Variants in DPYSL3 observed in about 807,000 individuals in gnomAD.
DPYSL3 encodes the protein dihydropyrimidinase-related protein 3.
In DPYSL3, 16 loss-of-function variants were observed where a neutral mutation model predicts 66.1. The ratio of observed to expected loss-of-function variants is 0.24; its 90% CI spans 0.16 to 0.37. The LOEUF is 0.37. Ranked by LOEUF, DPYSL3 falls within the 10% of genes least tolerant of loss-of-function variation. The pLI is 1.00. For synonymous variants in DPYSL3, 338 were observed against 345.1 expected, an observed-to-expected ratio of 0.98 and a Z score of 0.23; for missense variants, 738 against 916.2, an observed-to-expected ratio of 0.81 and a Z score of 2.51.
At chr5:147,463,080 G>C (rs1429554128) in intron 1 of DPYSL3, among the ~76,000 whole-genome samples, 1 of 152,154 alleles carries the variant, frequency 6.6e-6, no homozygotes, top group Non-Finnish European at 1.5e-5. Context: ...CATGAGAAAT[G>C]CTGAAGGGCA....
chr5:147,435,415 G>A (rs1752398163), intron 1 of DPYSL3, among the ~76,000 whole-genome samples: 1 of 152,156 alleles, frequency 6.6e-6, no homozygotes, highest in South Asian at 2.1e-4. Context: ...GGAAGCTTAG[G>A]GAGGTTAGCT....
chr5:147,410,540 GAC>G (rs1189674619), intron 6 of DPYSL3, among the ~76,000 whole-genome samples: 1 of 152,138 alleles, frequency 6.6e-6, no homozygotes, highest in Non-Finnish European at 1.5e-5. Context: ...TTTGGGTCAT[GAC>G]ACAACTGTAG....
At chr5:147,469,606 A>T (rs1172039926) in intron 1 of DPYSL3, among the ~76,000 whole-genome samples, 1 of 152,208 alleles carries the variant, frequency 6.6e-6, no homozygotes, top group Admixed American at 6.5e-5. Context: ...TATTGAGTGA[A>T]CCCAATCAAA....
intron 1 of DPYSL3, among the ~76,000 whole-genome samples, chr5:147,468,812 T>C (rs1753044843): frequency 6.6e-6 from 1 of 152,206 alleles, no homozygotes; most frequent in African/African-American, 2.4e-5. Context: ...GCCATGTTGG[T>C]GTGCTGCACC....
rs1463060122 is a variant in DPYSL3, at chr5:147,393,719, A to T, written c.*316T>A. The T allele has an allele frequency of 4.0e-6, 1 of 249,318 alleles. No homozygotes were observed. Among genetic ancestry groups the T allele is most frequent in the Non-Finnish European group, 7.9e-6 (1 of 126,854 alleles). 15.4% of individuals were successfully genotyped at this position (249,318 alleles called of 1,614,324 possible). On this transcript the variant is annotated 3_prime_UTR_variant, in exon 14 of 14. Transcript: ENST00000343218. ...GTCCCAGCTTGTCTGTCCCCTTGTCATAAGATGCAGCACTACACACGCTCT... is the reference window on the plus strand; with the variant it reads ...GTCCCAGCTTGTCTGTCCCCTTGTCTTAAGATGCAGCACTACACACGCTCT...
At chr5:147,496,826 G>A (rs1753521430) in intron 1 of DPYSL3, among the ~76,000 whole-genome samples, 1 of 151,906 alleles carries the variant, frequency 6.6e-6, no homozygotes, top group Middle Eastern at 3.2e-3. Flanking sequence ...TTCAACCATT[G>A]TGGAAGTCAG....
At chr5:147,396,330 T>C (rs994536056) in intron 12 of DPYSL3, among the ~76,000 whole-genome samples, 1 of 152,172 alleles carries the variant, frequency 6.6e-6, no homozygotes, top group Non-Finnish European at 1.5e-5. Flanking sequence ...ACCCAGCACA[T>C]GCTCTGCTAG....
rs1561809807 is a variant in DPYSL3 at position 147,509,433 on chromosome 5, G to T, written c.381+45C>A. ...CCGGGCCATGGCGGCCAGGGCTGGA[G>T]AAAGGAACGAAGGCAAGGAGGGAAG... is the stretch of plus-strand genomic sequence containing the variant. On this transcript the variant is annotated intron_variant, in intron 1 of 13. Transcript: ENST00000343218. This position sits in a 1 kb window ranked among gnomAD's most constrained non-coding sequence, Gnocchi z 5.3. 1 of 1,462,958 alleles carries T rather than the reference G, an allele frequency of 6.8e-7. No homozygotes were observed. The highest frequency in any genetic ancestry group is 2.4e-5 in the Admixed American group (1 of 40,978). 90.6% of individuals were successfully genotyped at this position (1,462,958 alleles called of 1,614,324 possible). A position where few individuals can be genotyped will look rare whatever the true frequency, so the allele number is the denominator to read the frequency against.
At chr5:147,507,357 T>TA (rs201526382) in intron 1 of DPYSL3, among the ~76,000 whole-genome samples, 1 of 150,674 alleles carries the variant, frequency 6.6e-6, no homozygotes, top group Non-Finnish European at 1.5e-5. Flanking sequence ...TTTTTTTTTT[T>TA]AAGTAAAGTT....
In DPYSL3 at chr5:147,399,252, C is replaced by T. The variant is rs745990406; in HGVS notation, c.1453G>A (p.Ala485Thr). The change falls in exon 11 of 14, where the codon GCC (alanine) becomes ACC (threonine). Residue 485 changes from alanine (A) to threonine (T), a missense_variant and splice_region_variant. Physicochemically the swap from Ala to Thr is moderately conservative, Grantham distance 58. Coordinates refer to ENST00000343218, the MANE Select transcript of DPYSL3 (RefSeq NM_001197294.2). Reference sequence around the variant, plus strand: ...TGGTTTTCGTCCATTTTCCCTGTGGCCTATTGAAATATAAGAAATTATATC... The same window carrying T: ...TGGTTTTCGTCCATTTTCCCTGTGGTCTATTGAAATATAAGAAATTATATC... ...RMSVIWDKAV[A>T]TGKMDENQFV... 2.5e-6 allele frequency: 4 copies of T among 1,613,642 alleles called. No homozygotes were observed. Among genetic ancestry groups the T allele is most frequent in the Non-Finnish European group, 2.5e-6 (3 of 1,179,894 alleles).
At chr5:147,464,381 A>G (rs1233891473) in intron 1 of DPYSL3, among the ~76,000 whole-genome samples, 1 of 152,134 alleles carries the variant, frequency 6.6e-6, no homozygotes, top group African/African-American at 2.4e-5. Context: ...GTGCCTTTTC[A>G]CCAAGGAGAA....
At chr5:147,424,797 T>C (rs1752164742) in intron 2 of DPYSL3, 78 bp downstream of exon 2, 1 of 1,138,306 alleles carries the variant, frequency 8.8e-7, no homozygotes, top group East Asian at 2.5e-5. Flanking sequence ...ACTACATTCA[T>C]GTAATCCAAC....
intron 8 of DPYSL3, among the ~76,000 whole-genome samples, chr5:147,404,468 G>A (rs966744889): frequency 6.6e-6 from 1 of 152,188 alleles, no homozygotes; most frequent in African/African-American, 2.4e-5. Context: ...GGCCAGTTTG[G>A]TAGATGAATC....
At chr5:147,457,226 G>A (rs562900327) in intron 1 of DPYSL3, among the ~76,000 whole-genome samples, 2 of 152,126 alleles carry the variant, frequency 1.3e-5, no homozygotes, top group South Asian at 4.2e-4. Context: ...TCACTTGCTA[G>A]CCCCCTTTCC....
chr5:147,415,091 A>G (rs1453617530), intron 4 of DPYSL3, among the ~76,000 whole-genome samples: 19 of 152,174 alleles, frequency 1.2e-4, no homozygotes. Context: ...ATCTAAGAAG[A>G]CAGTGGAACC....
chr5:147,412,505 G>T, intron 6 of DPYSL3, 103 bp downstream of exon 6: 4 of 1,149,438 alleles, frequency 3.5e-6, no homozygotes, highest in South Asian at 1.3e-5. Flanking sequence ...AGGTACTTAT[G>T]ATGGTGCCTT....
At chr5:147,404,093 C>G (rs3805536) in intron 8 of DPYSL3, among the ~76,000 whole-genome samples, 74,872 of 151,848 alleles carry the variant, frequency 0.49, 19,934 homozygotes, top group African/African-American at 0.69. Context: ...GGTGAGGGCA[C>G]AAGGAGTTCC....
At chr5:147,459,802 C>CTAGA (rs1484827113) in intron 1 of DPYSL3, among the ~76,000 whole-genome samples, 1 of 152,162 alleles carries the variant, frequency 6.6e-6, no homozygotes, top group African/African-American at 2.4e-5. Context: ...AAGCCAAAGG[C>CTAGA]TAGAGTTAGA....
At chr5:147,478,345 A>T (rs1002354668) in intron 1 of DPYSL3, among the ~76,000 whole-genome samples, 2 of 152,224 alleles carry the variant, frequency 1.3e-5, no homozygotes, top group Non-Finnish European at 2.9e-5. Flanking sequence ...GCCTCTGTCA[A>T]CAAAAAAATC....
Sources: allele counts gnomAD v4.1 joint callset (sites outside exome capture counted in the v4.1 genomes callset), GRCh38; gene constraint gnomAD v4.1.1; non-coding constraint Gnocchi (gnomAD v3.1); transcripts MANE v1.5; gene names NCBI Gene and HGNC (gene_info 2026-07-23, HGNC 2026-07-21).